The following ITGB4 variants were observed in gnomAD, a reference collection of about 807,000 sequenced individuals.
ITGB4 encodes integrin subunit beta 4, also known as integrin beta-4.
A neutral mutation model predicts 207.6 loss-of-function variants in ITGB4; 159 were observed. The ratio of observed to expected loss-of-function variants is 0.77; its 90% CI spans 0.67 to 0.87. The LOEUF is 0.87. ITGB4 is among the 40% of genes least tolerant of loss of function. ITGB4 has a pLI of 0.00. For synonymous variants in ITGB4, 1,020 were observed against 1,062.7 expected (o/e 0.96, Z 0.78); for missense variants, 2,278 against 2,546.8 (o/e 0.89, Z 2.27).
Position 75,753,956 on chromosome 17 carries a change from A to G in ITGB4, c.4300A>G (p.Thr1434Ala). The change falls in exon 33 of 40, where the codon ACA becomes GCA. Residue 1434 changes from threonine (T) to alanine (A), a missense_variant. Physicochemically the swap from Thr to Ala is moderately conservative, Grantham distance 58. Coordinates refer to ENST00000200181, the MANE Select transcript of ITGB4 (RefSeq NM_000213.5). The part of the protein sequence containing the change: ...GKGGSLPRSA[T>A]PGPPGEHLVN... The stretch of plus-strand genomic sequence containing the variant: ...GGGCGGCAGCCTGCCCCGCAGTGCG[A>G]CACCCGGGCCCCCCGGAGGTGACAG... The G allele has an allele frequency of 1.6e-6, 2 of 1,265,166 alleles. No individual in the cohort carries two copies. The highest frequency in any genetic ancestry group is 2.0e-6 in the Non-Finnish European group (2 of 1,010,102). The allele number at this position is 1,265,166 out of a possible 1,614,324, so 78.4% of individuals were successfully genotyped here. A position where few individuals can be genotyped will look rare whatever the true frequency, so the allele number is the denominator to read the frequency against.
intron 39 of ITGB4, 36 bp from the exon 40 acceptor site, chr17:75,757,380 C>T: frequency 6.2e-7 from 1 of 1,612,996 alleles, no homozygotes; most frequent in Non-Finnish European, 8.5e-7. Flanking sequence ...AAGGGCAGAC[C>T]CCAAGCCAGG....
chr17:75,733,016 C>T (rs540929438), intron 12 of ITGB4, among the ~76,000 whole-genome samples: 1 of 151,816 alleles, frequency 6.6e-6, no homozygotes, highest in Non-Finnish European at 1.5e-5. Context: ...ACCTAGAAGG[C>T]GGAGGTTGCC....
At position 75,756,996 on chromosome 17, in the gene ITGB4, G is replaced by A. The variant is rs149353166; in HGVS notation, c.5107G>A (p.Val1703Met). ...DGDSPESRLT[V>M]PGLSENVPYK... ...AGACAGCCCCGAGAGCCGGCTGACC[G>A]TGCCGGGCCTCAGCGAGAACGTGCC... is the stretch of plus-strand genomic sequence containing the variant. Residue 1703 changes from valine to methionine, a missense_variant, in exon 38 of 40, where the codon GTG becomes ATG. By Grantham distance (21) the Val-to-Met change is conservative. Transcript: ENST00000200181. The A allele has an allele frequency of 2.9e-5, 47 of 1,612,746 alleles. No homozygotes were observed. The highest frequency in any genetic ancestry group is 5.3e-5 in the African/African-American group (4 of 74,922).
chr17:75,725,038 A>T (rs2060690189), intron 2 of ITGB4, among the ~76,000 whole-genome samples: 1 of 152,206 alleles, frequency 6.6e-6, no homozygotes, highest in Non-Finnish European at 1.5e-5. Flanking sequence ...CCCACCCAGG[A>T]CTGAGGCACC....
rs1295904822 is a variant in ITGB4, at chr17:75,749,106, A to G, written c.3316+61A>G. The G allele has an allele frequency of 7.2e-6, 10 of 1,386,194 alleles. No homozygotes were observed. The East Asian group carries it at 2.3e-4, about 32-fold the overall frequency. The allele number at this position is 1,386,194 out of a possible 1,614,324, so 85.9% of individuals were successfully genotyped here. On this transcript the variant is annotated intron_variant, in intron 27 of 39. Transcript: ENST00000200181. ...AGAGGGAAGACTGGGGGGTCTCTCA[A>G]CTAGGTCTGTCAGACTTAGCAAATC...
rs1191612634 is a variant in ITGB4, at chr17:75,729,113, G to A, written c.567-152G>A. On this transcript the variant is annotated intron_variant, in intron 6 of 39. Transcript: ENST00000200181. This position sits in a 1 kb window ranked among gnomAD's most constrained non-coding sequence, Gnocchi z 4.4. The stretch of plus-strand genomic sequence containing the variant: ...GCAGAGGTTGCAGTGAGCCAAGATC[G>A]TGCATACCGCACACCAGCCTGGGTG... The A allele has an allele frequency of 1.6e-5, 11 of 666,924 alleles. No homozygotes were observed. The highest frequency in any genetic ancestry group is 5.9e-5 in the Admixed American group (2 of 33,702). 41.3% of individuals were successfully genotyped at this position (666,924 alleles called of 1,614,324 possible). A position where few individuals can be genotyped will look rare whatever the true frequency, so the allele number is the denominator to read the frequency against.
Position 75,724,725 on chromosome 17 carries a change from C to T in ITGB4, c.22C>T (p.Pro8Ser). MAGPRPSPWARLLLAALI... is the reference protein window; with the variant it reads MAGPRPSSWARLLLAALI... ...GAGGATGGCAGGGCCACGCCCCAGCCCATGGGCCAGGCTGCTCCTGGCAGC... is the reference window on the plus strand; with the variant it reads ...GAGGATGGCAGGGCCACGCCCCAGCTCATGGGCCAGGCTGCTCCTGGCAGC... Residue 8 changes from proline (P) to serine (S), a missense_variant, in exon 2 of 40, where the codon CCA (proline) becomes TCA (serine). Pro to Ser is a moderately conservative substitution (Grantham distance 74). Transcript: ENST00000200181. The T allele has an allele frequency of 6.2e-7, 1 of 1,613,838 alleles. No individual in the cohort carries two copies. Among genetic ancestry groups the T allele is most frequent in the Non-Finnish European group, 8.5e-7 (1 of 1,179,998 alleles).
In ITGB4 at chr17:75,756,582, A is replaced by G; in HGVS notation, c.4862A>G (p.Gln1621Arg). ...GAGGGTGTCATCACCATTGAATCCCAGGTGCACCCGCAGAGCCCACTGTGT... is the reference window on the plus strand; with the variant it reads ...GAGGGTGTCATCACCATTGAATCCCGGGTGCACCCGCAGAGCCCACTGTGT... ...EREGVITIES[Q>R]VHPQSPLCPL... is the part of the protein sequence containing the mutation. The change falls in exon 36 of 40, where the codon CAG (glutamine) becomes CGG (arginine). Residue 1621 changes from glutamine (Q) to arginine (R), a missense_variant. Transcript: ENST00000200181. The G allele has an allele frequency of 7.4e-6, 12 of 1,612,988 alleles. No homozygotes were observed. Among genetic ancestry groups the G allele is most frequent in the Non-Finnish European group, 1.0e-5 (12 of 1,179,968 alleles).
chr17:75,740,316 C>A lies in ITGB4; in HGVS notation c.2447-42C>A. 6.6e-7 allele frequency: 1 copy of A among 1,520,004 alleles called. No individual in the cohort carries two copies. Among genetic ancestry groups the A allele is most frequent in the Non-Finnish European group, 9.1e-7 (1 of 1,102,706 alleles). 94.2% of individuals were successfully genotyped at this position (1,520,004 alleles called of 1,614,324 possible). On this transcript the variant is annotated intron_variant, in intron 20 of 39. Coordinates refer to ENST00000200181, the MANE Select transcript of ITGB4 (RefSeq NM_000213.5). The surrounding 1 kb of genome is among the most constrained non-coding windows in gnomAD (Gnocchi z 5.9). ...TCTGTGGTGCCTGTCATGCAGGGGG[C>A]TGACCACCTCCATCTCACCCCCTCC...
intron 33 of ITGB4, 98 bp from the exon 34 acceptor site, chr17:75,754,478 C>T: frequency 6.6e-7 from 1 of 1,522,092 alleles, no homozygotes; most frequent in Non-Finnish European, 9.0e-7. Flanking sequence ...AAAAGCCACC[C>T]AGAGGGTGGG....
At chr17:75,754,872 C>T in intron 34 of ITGB4, 57 bp downstream of exon 34, 2 of 1,612,018 alleles carry the variant, frequency 1.2e-6, no homozygotes, top group Non-Finnish European at 1.7e-6. Context: ...CTTCCAGCTC[C>T]TGGAGCCTCG....
In ITGB4 at chr17:75,748,852, C is replaced by T. The variant is rs1048623574; in HGVS notation, c.3123C>T (p.Pro1041=). 8 of 1,610,254 alleles carry T rather than the reference C, an allele frequency of 5.0e-6. No homozygotes were observed. The highest frequency in any genetic ancestry group is 3.3e-5 in the South Asian group (3 of 90,348). Residue 1041 remains proline (P), a synonymous_variant, in exon 27 of 40, where the codon CCC becomes CCT. Coordinates refer to ENST00000200181, the MANE Select transcript of ITGB4 (RefSeq NM_000213.5). ...GTAQGNRDYI[P]VEGELLFQPG... is the part of the protein sequence containing the mutation. ...CCCTCCACTCCCAGGACTACATCCC[C>T]GTGGAGGGTGAGCTGCTGTTCCAGC...
At position 75,727,354 on chromosome 17, in the gene ITGB4, C is replaced by T; in HGVS notation, c.163-50C>T. The T allele has an allele frequency of 6.2e-7, 1 of 1,612,228 alleles. No individual in the cohort carries two copies. The highest frequency in any genetic ancestry group is 8.5e-7 in the Non-Finnish European group (1 of 1,178,498). Reference sequence around the variant, plus strand: ...GGTGGAAATGAATCTAGGGTTGGGGCAGCCAGGGAATGGGTGCTGCCCCCA... The same window carrying T: ...GGTGGAAATGAATCTAGGGTTGGGGTAGCCAGGGAATGGGTGCTGCCCCCA... On this transcript the variant is annotated intron_variant, in intron 3 of 39. Transcript: ENST00000200181. This position sits in a 1 kb window ranked among gnomAD's most constrained non-coding sequence, Gnocchi z 6.0.
chr17:75,730,533 G>A, intron 8 of ITGB4, 29 bp downstream of exon 8: 2 of 1,612,492 alleles, frequency 1.2e-6, no homozygotes, highest in Non-Finnish European at 1.7e-6. Context: ...ACGGGTGGGA[G>A]GTGGTCAAGG....
Position 75,757,639 on chromosome 17 carries a change from G to A in ITGB4, c.*84G>A, listed in dbSNP as rs1356779806. 7 of 1,575,362 alleles carry A rather than the reference G, an allele frequency of 4.4e-6. No individual in the cohort carries two copies. Among genetic ancestry groups the A allele is most frequent in the Non-Finnish European group, 5.2e-6 (6 of 1,147,452 alleles). ...GAGCCTCCTCAGCTACTCCATCCTT[G>A]CACCCCTGGGGGCCCAGCCCACCCG... On this transcript the variant is annotated 3_prime_UTR_variant, in exon 40 of 40. Transcript: ENST00000200181.
chr17:75,723,756 G>C (rs1171390596), intron 1 of ITGB4, among the ~76,000 whole-genome samples: 1 of 152,260 alleles, frequency 6.6e-6, no homozygotes, highest in Non-Finnish European at 1.5e-5. Context: ...GGGCCCGTGG[G>C]CAGGGCAGAG....
chr17:75,727,574 G>T lies in ITGB4; in HGVS notation c.264+69G>T. 6.3e-7 allele frequency: 1 copy of T among 1,587,624 alleles called. No homozygotes were observed. Among genetic ancestry groups the T allele is most frequent in the Non-Finnish European group, 8.6e-7 (1 of 1,166,160 alleles). On this transcript the variant is annotated intron_variant, in intron 4 of 39. Coordinates refer to ENST00000200181, the MANE Select transcript of ITGB4 (RefSeq NM_000213.5). The surrounding 1 kb of genome is among the most constrained non-coding windows in gnomAD (Gnocchi z 6.0). ...CTGGCTATTTATGGGGGTGTATAGTGCCCCTTGGCCGGGCTGGGCCCCCAT... is the reference window on the plus strand; with the variant it reads ...CTGGCTATTTATGGGGGTGTATAGTTCCCCTTGGCCGGGCTGGGCCCCCAT...
chr17:75,741,533 T>C (rs2061110346), intron 23 of ITGB4, among the ~76,000 whole-genome samples: 1 of 152,050 alleles, frequency 6.6e-6, no homozygotes, highest in Non-Finnish European at 1.5e-5. Context: ...TGGCTGTGCG[T>C]GGTGGCTCAC....
chr17:75,746,681 T>C lies in ITGB4; in HGVS notation c.3112-2160T>C, dbSNP rs2061239454. 2.0e-5 allele frequency among the ~76,000 whole-genome samples: 3 copies of C among 151,258 alleles called. No homozygotes were observed. The South Asian group carries it at 6.4e-4, about 32-fold the overall frequency. On this transcript the variant is annotated intron_variant, in intron 26 of 39. Coordinates refer to ENST00000200181, the MANE Select transcript of ITGB4 (RefSeq NM_000213.5). Reference sequence around the variant, plus strand: ...GAGGCTGGGTACAGTGGCTCATGCCTGTAATCCCAGCACTTTGGGAGGCCA... The same window carrying C: ...GAGGCTGGGTACAGTGGCTCATGCCCGTAATCCCAGCACTTTGGGAGGCCA...
Sources: allele counts gnomAD v4.1 joint callset (sites outside exome capture counted in the v4.1 genomes callset), GRCh38; gene constraint gnomAD v4.1.1; non-coding constraint Gnocchi (gnomAD v3.1); transcripts MANE v1.5; gene names NCBI Gene and HGNC (gene_info 2026-07-23, HGNC 2026-07-21).